Variants in SEC14L5 observed in about 807,000 individuals in gnomAD.
SEC14L5 encodes the protein SEC14 like lipid binding 5.
In SEC14L5, 96 loss-of-function variants were observed where a neutral mutation model predicts 84.6. The observed-to-expected ratio is 1.13, with a 90% confidence interval of 0.96 to 1.34. The LOEUF is 1.34. Ranked by LOEUF, SEC14L5 falls within the 40% of genes most tolerant of loss-of-function variation. SEC14L5 has a pLI of 0.00. For missense variants in SEC14L5, 1,224 were observed against 942.5 expected (o/e 1.30, Z -3.91); for synonymous variants, 546 against 383.4 (o/e 1.42, Z -4.95).
chr16:5,008,861 G>C (rs751717193), intron 14 of SEC14L5, among the ~76,000 whole-genome samples: 1 of 152,190 alleles, frequency 6.6e-6, no homozygotes, highest in African/African-American at 2.4e-5. Context: ...GAGAAAGCAC[G>C]GGGTGCTCTG....
Position 5,018,556 on chromosome 16 carries a change from G to T in SEC14L5, c.*3586G>T, listed in dbSNP as rs909686156. The T allele has an allele frequency of 1.8e-4, 28 of 152,128 alleles. No homozygotes were observed. The highest frequency in any genetic ancestry group is 1.6e-3 in the Admixed American group (24 of 15,260). 9.4% of individuals were successfully genotyped at this position (152,128 alleles called of 1,614,324 possible). A position where few individuals can be genotyped will look rare whatever the true frequency, so the allele number is the denominator to read the frequency against. On this transcript the variant is annotated 3_prime_UTR_variant, in exon 16 of 16. Coordinates refer to ENST00000251170, the MANE Select transcript of SEC14L5 (RefSeq NM_014692.2). ...GTGGTGCGTGCCTATAGTCTCAGCT[G>T]CTCGGGAGGCTGAGGCAGAAGGATT...
intron 12 of SEC14L5, among the ~76,000 whole-genome samples, chr16:5,006,496 C>T (rs776705650): frequency 2.8e-4 from 42 of 152,276 alleles, no homozygotes; most frequent in Non-Finnish European, 5.4e-4. Flanking sequence ...GATCAGGAAC[C>T]CCCTTCAAGG....
chr16:4,959,367 C>T lies in SEC14L5; in HGVS notation c.44C>T (p.Pro15Leu), dbSNP rs1180246558. 2.3e-5 allele frequency: 37 copies of T among 1,613,854 alleles called. No homozygotes were observed. Among genetic ancestry groups the T allele is most frequent in the Non-Finnish European group, 3.0e-5 (35 of 1,179,798 alleles). Reference protein sequence around the residue: ...YQSPVRVYKYPFELVMAAYEK... With the variant: ...YQSPVRVYKYLFELVMAAYEK... ...TCTCCTGTCCGAGTCTACAAGTACC[C>T]GTTTGAGCTGGTCATGGCGGTGAGT... Residue 15 changes from proline to leucine, a missense_variant, in exon 2 of 16, where the codon CCG (proline) becomes CTG (leucine). Pro to Leu is a moderately conservative substitution (Grantham distance 98). Transcript: ENST00000251170.
intron 2 of SEC14L5, among the ~76,000 whole-genome samples, chr16:4,963,031 A>G (rs1211456336): frequency 6.6e-6 from 1 of 152,228 alleles, no homozygotes; most frequent in East Asian, 1.9e-4. Context: ...AGCTATTTTC[A>G]CTGCATCCGA....
In SEC14L5 at chr16:5,014,992, C is replaced by T. The variant is rs759350238; in HGVS notation, c.*22C>T. On this transcript the variant is annotated 3_prime_UTR_variant, in exon 16 of 16. Transcript: ENST00000251170. ...ATAGCCGGGCCCAGTGTTTCAGGGC[C>T]GCCCGCTCGCCTCCAGTGTCCAGAA... 3.0e-5 allele frequency: 46 copies of T among 1,547,096 alleles called. No homozygotes were observed. The highest frequency in any genetic ancestry group is 1.7e-4 in the Middle Eastern group (1 of 5,944).
chr16:5,002,401 AT>A (rs1486126317), intron 10 of SEC14L5, among the ~76,000 whole-genome samples: 1 of 148,592 alleles, frequency 6.7e-6, no homozygotes, highest in Non-Finnish European at 1.5e-5. Flanking sequence ...GGTTCAAGTG[AT>A]TCTCGTGCCT....
rs553872337 is a variant in SEC14L5, at chr16:5,004,504, C to T, written c.1302+931C>T. Among the ~76,000 whole-genome samples the T allele has an allele frequency of 7.2e-5, 11 of 152,152 alleles. No individual in the cohort carries two copies. The South Asian group carries it at 2.1e-3, about 29-fold the overall frequency. On this transcript the variant is annotated intron_variant, in intron 11 of 15. Coordinates refer to ENST00000251170, the MANE Select transcript of SEC14L5 (RefSeq NM_014692.2). ...GGGCAGGGGAAGGAGAGACCCCAAG[C>T]ACCAGTGACTGCAGTAAGCCTGGCC...
chr16:4,965,556 G>A (rs944366151), intron 2 of SEC14L5, among the ~76,000 whole-genome samples: 5 of 151,080 alleles, frequency 3.3e-5, no homozygotes, highest in African/African-American at 9.8e-5. Context: ...AGCTACTCGG[G>A]AGGCTGAGGC....
At chr16:4,981,550 G>A (rs1261125556) in intron 2 of SEC14L5, among the ~76,000 whole-genome samples, 2 of 152,120 alleles carry the variant, frequency 1.3e-5, no homozygotes, top group African/African-American at 2.4e-5. Flanking sequence ...AAGGACAGAG[G>A]GTGGAAAAGG....
chr16:4,983,572 TTAAA>T (rs1169610829), intron 2 of SEC14L5, among the ~76,000 whole-genome samples: 1 of 150,562 alleles, frequency 6.6e-6, no homozygotes, highest in Non-Finnish European at 1.5e-5. Context: ...ATATATACAC[TTAAA>T]TAATATATGT....
intron 9 of SEC14L5, 33 bp downstream of exon 9, chr16:5,000,776 C>CCTGG: frequency 3.2e-6 from 5 of 1,556,026 alleles, no homozygotes; most frequent in Non-Finnish European, 4.4e-6. Context: ...GGACGCCGTG[C>CCTGG]CTGGGGCCGG....
chr16:4,988,257 G>C lies in SEC14L5; in HGVS notation c.322G>C (p.Val108Leu). 1 of 1,613,790 alleles carries C rather than the reference G, an allele frequency of 6.2e-7. No individual in the cohort carries two copies. The highest frequency in any genetic ancestry group is 1.3e-5 in the African/African-American group (1 of 75,052). ...TGAGACCTTCGCCAACCGCGTGGTG[G>C]TGAACGAGCACTGCAGCTACACGGT... The part of the protein sequence containing the change: ...HNETFANRVV[V>L]NEHCSYTVHP... Residue 108 changes from valine (V) to leucine (L), a missense_variant, in exon 4 of 16, where the codon GTG (valine) becomes CTG (leucine). Physicochemically the swap from Val to Leu is conservative, Grantham distance 32. Coordinates refer to ENST00000251170, the MANE Select transcript of SEC14L5 (RefSeq NM_014692.2).
intron 2 of SEC14L5, among the ~76,000 whole-genome samples, chr16:4,981,941 C>T (rs747349832): frequency 6.6e-6 from 1 of 152,100 alleles, no homozygotes; most frequent in Non-Finnish European, 1.5e-5. Context: ...GTGGGTCCAG[C>T]GTGGCTGAGA....
chr16:4,959,861 A>G (rs1955097833), intron 2 of SEC14L5, among the ~76,000 whole-genome samples: 2 of 152,160 alleles, frequency 1.3e-5, no homozygotes, highest in Admixed American at 1.3e-4. Context: ...AAGGGATGAC[A>G]CTAAGTTCTG....
At position 4,970,340 on chromosome 16, in the gene SEC14L5, G is replaced by C. The variant is rs1044119726; in HGVS notation, c.63+10954G>C. Among the ~76,000 whole-genome samples the C allele has an allele frequency of 7.2e-5, 11 of 152,180 alleles. No individual in the cohort carries two copies. In the South Asian group the frequency reaches 2.3e-3, roughly 32 times the overall value. ...TGGGGAGGTGGGGGATGTTAAGCAGGGTTTAGCCTATGCAAAGGCCAATGG... is the reference window on the plus strand; with the variant it reads ...TGGGGAGGTGGGGGATGTTAAGCAGCGTTTAGCCTATGCAAAGGCCAATGG... On this transcript the variant is annotated intron_variant, in intron 2 of 15. Coordinates refer to ENST00000251170, the MANE Select transcript of SEC14L5 (RefSeq NM_014692.2).
At chr16:4,973,676 GTCTCTTT>G (rs1191192692) in intron 2 of SEC14L5, among the ~76,000 whole-genome samples, 3 of 141,232 alleles carry the variant, frequency 2.1e-5, no homozygotes, top group Non-Finnish European at 4.6e-5. Flanking sequence ...TTTTTTCTCT[GTCTCTTT>G]TTTTTTTTTT....
intron 10 of SEC14L5, among the ~76,000 whole-genome samples, chr16:5,002,581 C>T (rs947340003): frequency 3.3e-5 from 5 of 152,116 alleles, no homozygotes; most frequent in Admixed American, 6.6e-5. Context: ...GTGTCCTGGC[C>T]GGAAGCATAA....
intron 2 of SEC14L5, among the ~76,000 whole-genome samples, chr16:4,986,267 G>T (rs1444166309): frequency 6.6e-6 from 1 of 151,886 alleles, no homozygotes; most frequent in African/African-American, 2.4e-5. Flanking sequence ...AGCTTCCCAA[G>T]TAGCTGGGAT....
In SEC14L5 at chr16:5,019,036, C is replaced by T. The variant is rs187260435; in HGVS notation, c.*4066C>T. On this transcript the variant is annotated 3_prime_UTR_variant, in exon 16 of 16. Coordinates refer to ENST00000251170, the MANE Select transcript of SEC14L5 (RefSeq NM_014692.2). ...CCCGTGGGCTCGTTCAAGAACTTTC[C>T]AGCTGTTGTTTAAAAGACTTTAGAG... 1.3e-5 allele frequency: 2 copies of T among 152,284 alleles called. No homozygotes were observed. Among genetic ancestry groups the T allele is most frequent in the African/African-American group, 2.4e-5 (1 of 41,548 alleles). The allele number at this position is 152,284 out of a possible 1,614,324, so 9.4% of individuals were successfully genotyped here. A position where few individuals can be genotyped will look rare whatever the true frequency, so the allele number is the denominator to read the frequency against.
Sources: gnomAD v4.1 joint callset for allele counts (sites outside exome capture counted in the v4.1 genomes callset) on GRCh38, gnomAD v4.1.1 for gene constraint, MANE v1.5 for transcripts, NCBI Gene and HGNC (gene_info 2026-07-23, HGNC 2026-07-21) for gene names.